The following TPST1 variants were observed in gnomAD, a reference collection of about 807,000 sequenced individuals.
TPST1 encodes the protein protein-tyrosine sulfotransferase 1.
In TPST1, 20 loss-of-function variants were observed where a neutral mutation model predicts 34.8. That is an observed-to-expected ratio of 0.57 (90% CI 0.40 to 0.84). The LOEUF (loss-of-function observed/expected upper bound fraction) is 0.84. Among genes scored for constraint, TPST1 ranks in the 40% least tolerant of loss-of-function variants. The pLI is 0.00. For missense variants in TPST1, 353 were observed against 455.5 expected, an observed-to-expected ratio of 0.78 and a Z score of 2.05; for synonymous variants, 152 against 159.4, an observed-to-expected ratio of 0.95 and a Z score of 0.35.
At chr7:66,343,045 C>G (rs1026199277) in intron 3 of TPST1, among the ~76,000 whole-genome samples, 1 of 152,142 alleles carries the variant, frequency 6.6e-6, no homozygotes, top group Non-Finnish European at 1.5e-5. Context: ...CCCAGGCACA[C>G]AGGCTCACTA....
At chr7:66,227,927 A>G (rs1789698933) in intron 1 of TPST1, among the ~76,000 whole-genome samples, 1 of 152,208 alleles carries the variant, frequency 6.6e-6, no homozygotes, top group South Asian at 2.1e-4. Flanking sequence ...TATCACAGTA[A>G]TGAAGATTTA....
chr7:66,246,394 G>GGTTT (rs1449573856), intron 2 of TPST1, among the ~76,000 whole-genome samples: 3 of 151,870 alleles, frequency 2.0e-5, no homozygotes, highest in Non-Finnish European at 4.4e-5. Flanking sequence ...AGGAGGAATT[G>GGTTT]AATAAACAAG....
intron 2 of TPST1, among the ~76,000 whole-genome samples, chr7:66,248,534 C>T (rs567862703): frequency 4.0e-5 from 5 of 125,846 alleles, no homozygotes; most frequent in East Asian, 4.6e-4. Flanking sequence ...GACAGAGTCT[C>T]GCACTGTCTT....
chr7:66,230,527 C>T (rs530679670), intron 1 of TPST1, among the ~76,000 whole-genome samples: 1 of 151,886 alleles, frequency 6.6e-6, no homozygotes, highest in African/African-American at 2.4e-5. Context: ...CAGACCTTCA[C>T]GGTGAGTGTT....
intron 3 of TPST1, among the ~76,000 whole-genome samples, chr7:66,300,347 T>C (rs1442118709): frequency 6.6e-6 from 1 of 152,220 alleles, no homozygotes; most frequent in Non-Finnish European, 1.5e-5. Context: ...AGTTCAATCA[T>C]AAGATTGTAG....
chr7:66,335,563 T>C (rs1792079756), intron 3 of TPST1, among the ~76,000 whole-genome samples: 1 of 152,222 alleles, frequency 6.6e-6, no homozygotes, highest in African/African-American at 2.4e-5. Context: ...GAACAATGTT[T>C]ACCTTTCGGT....
At chr7:66,303,601 G>C (rs1208157166) in intron 3 of TPST1, among the ~76,000 whole-genome samples, 1 of 151,944 alleles carries the variant, frequency 6.6e-6, no homozygotes, top group Non-Finnish European at 1.5e-5. Flanking sequence ...GTAGTGACAG[G>C]GTTTCACCAA....
chr7:66,200,422 T>A (rs1381252827), upstream of TPST1, among the ~76,000 whole-genome samples: 14 of 146,716 alleles, frequency 9.5e-5, no homozygotes, highest in African/African-American at 3.5e-4. Context: ...GAAGTTATCT[T>A]TTTTTTTTTT....
intron 1 of TPST1, among the ~76,000 whole-genome samples, chr7:66,230,821 C>A: frequency 1.3e-5 from 2 of 152,194 alleles, no homozygotes; most frequent in East Asian, 3.9e-4. Flanking sequence ...TTGGTAGAGC[C>A]GAGTGGTCTG....
intron 3 of TPST1, among the ~76,000 whole-genome samples, chr7:66,322,148 G>A (rs527311147): frequency 6.6e-6 from 1 of 152,100 alleles, no homozygotes; most frequent in Non-Finnish European, 1.5e-5. Context: ...CAAGTCCTTG[G>A]ATATATCCTC....
intron 3 of TPST1, among the ~76,000 whole-genome samples, chr7:66,326,079 T>G (rs1791860992): frequency 6.6e-6 from 1 of 152,246 alleles, no homozygotes; most frequent in Non-Finnish European, 1.5e-5. Context: ...TTTCTGTCTT[T>G]TTATGTTCAA....
intron 3 of TPST1, among the ~76,000 whole-genome samples, chr7:66,342,474 C>T (rs1332712593): frequency 6.6e-6 from 1 of 152,140 alleles, no homozygotes; most frequent in Non-Finnish European, 1.5e-5. Flanking sequence ...ATGTGCTTTA[C>T]CAGAGCCTAA....
At chr7:66,245,513 G>A (rs939564562) in intron 2 of TPST1, among the ~76,000 whole-genome samples, 2 of 152,222 alleles carry the variant, frequency 1.3e-5, no homozygotes, top group African/African-American at 4.8e-5. Context: ...ATCAAGGGTA[G>A]GAGGTTCTTG....
chr7:66,208,888 A>G (rs1789186850), intron 1 of TPST1, among the ~76,000 whole-genome samples: 1 of 152,228 alleles, frequency 6.6e-6, no homozygotes, highest in African/African-American at 2.4e-5. Context: ...CAAATTGCCA[A>G]GTACATAGTG....
upstream of TPST1, among the ~76,000 whole-genome samples, chr7:66,204,734 T>C (rs1218618869): frequency 6.6e-6 from 1 of 152,246 alleles, no homozygotes; most frequent in Admixed American, 6.5e-5. Context: ...ATTTCTTTCT[T>C]TTAGGGCGTC....
chr7:66,326,876 T>TTTA (rs769637869), intron 3 of TPST1, among the ~76,000 whole-genome samples: 2 of 152,366 alleles, frequency 1.3e-5, no homozygotes, highest in Admixed American at 6.5e-5. Context: ...ATTGACAACA[T>TTTA]TTATTCATTT....
intron 1 of TPST1, among the ~76,000 whole-genome samples, chr7:66,218,942 G>A (rs780520803): frequency 7.9e-5 from 12 of 151,560 alleles, no homozygotes; most frequent in East Asian, 1.9e-4. Flanking sequence ...GTGCAGTGGC[G>A]CAATCTCAGC....
At chr7:66,225,909 C>T (rs770583776) in intron 1 of TPST1, among the ~76,000 whole-genome samples, 18 of 152,024 alleles carry the variant, frequency 1.2e-4, no homozygotes, top group Admixed American at 6.6e-4. Flanking sequence ...GTTTTTGAGA[C>T]GGAGTCTTGC....
chr7:66,306,224 T>C (rs1791421233), intron 3 of TPST1, among the ~76,000 whole-genome samples: 1 of 152,220 alleles, frequency 6.6e-6, no homozygotes, highest in Non-Finnish European at 1.5e-5. Context: ...GTGAATGCAT[T>C]TACTTTTGTT....
Sources: allele counts gnomAD v4.1 joint callset (sites outside exome capture counted in the v4.1 genomes callset), GRCh38; gene constraint gnomAD v4.1.1; transcripts MANE v1.5; gene names NCBI Gene and HGNC (gene_info 2026-07-23, HGNC 2026-07-21).